The following EPHA1 variants were observed in gnomAD, a reference collection of about 807,000 sequenced individuals.
EPHA1 encodes the protein ephrin type-A receptor 1.
In EPHA1, 92 loss-of-function variants were observed where a neutral mutation model predicts 110.1. The ratio of observed to expected loss-of-function variants is 0.84; its 90% CI spans 0.71 to 0.99. EPHA1 has a LOEUF of 0.99. EPHA1 is among the 50% of genes least tolerant of loss of function. The pLI is 0.00. For synonymous variants in EPHA1, 500 were observed against 516.1 expected, an observed-to-expected ratio of 0.97 and a Z score of 0.42; for missense variants, 1,204 against 1,285.4, an observed-to-expected ratio of 0.94 and a Z score of 0.97.
chr7:143,402,582 C>A (rs1403317198), intron 2 of EPHA1, among the ~76,000 whole-genome samples: 1 of 152,122 alleles, frequency 6.6e-6, no homozygotes, highest in Non-Finnish European at 1.5e-5. Flanking sequence ...TTAGTAGAGA[C>A]AAGGTTTTGC....
intron 3 of EPHA1, among the ~76,000 whole-genome samples, chr7:143,400,614 C>T (rs1010947392): frequency 2.0e-5 from 3 of 152,186 alleles, no homozygotes; most frequent in African/African-American, 7.2e-5. Context: ...TGTCTTGCTA[C>T]ATGACTCCAG....
In EPHA1 at chr7:143,393,795, G is replaced by A; in HGVS notation, c.2572C>T (p.Leu858Phe). 1 of 1,611,066 alleles carries A rather than the reference G, an allele frequency of 6.2e-7. No individual in the cohort carries two copies. The highest frequency in any genetic ancestry group is 8.5e-7 in the Non-Finnish European group (1 of 1,178,192). Residue 858 changes from leucine (L) to phenylalanine (F), a missense_variant, in exon 16 of 18, where the codon CTC (leucine) becomes TTC (phenylalanine). Leu to Phe is a conservative substitution (Grantham distance 22, BLOSUM62 0). Coordinates refer to ENST00000275815, the MANE Select transcript of EPHA1 (RefSeq NM_005232.5). This position sits in a 1 kb window ranked among gnomAD's most constrained non-coding sequence, Gnocchi z 5.6. ...TCATATGCCCAGCAGTTCTTCATGA[G>A]CTCATACAGAGGGGCAGGGCAGTCC... ...PVDCPAPLYELMKNCWAYDRA... is the reference protein window; with the variant it reads ...PVDCPAPLYEFMKNCWAYDRA...
chr7:143,407,842 G>A, intron 1 of EPHA1, 164 bp from the exon 2 acceptor site: 1 of 549,320 alleles, frequency 1.8e-6, no homozygotes, highest in Non-Finnish European at 3.2e-6. Context: ...ACTGAGGAGT[G>A]AAGAGCTCCA....
rs753017760 is a variant in EPHA1, at chr7:143,399,433, G to C, written c.836-20C>G. 31 of 1,562,052 alleles carry C rather than the reference G, an allele frequency of 2.0e-5. No individual in the cohort carries two copies. In the African/African-American group the frequency reaches 3.9e-4, roughly 20 times the overall value. On this transcript the variant is annotated intron_variant, in intron 4 of 17. Coordinates refer to ENST00000275815, the MANE Select transcript of EPHA1 (RefSeq NM_005232.5). ...GGCAGGCTGGAGAGAGAACGCAGCA[G>C]AGCAGTGGTTCTGTAAATGTTTTTA... is the stretch of plus-strand genomic sequence containing the variant.
chr7:143,408,203 TG>T (rs1027458256), intron 1 of EPHA1, among the ~76,000 whole-genome samples: 3 of 151,888 alleles, frequency 2.0e-5, no homozygotes, highest in African/African-American at 4.8e-5. Context: ...GCCTGGGAAG[TG>T]GGGGGGAGTA....
intron 16 of EPHA1, among the ~76,000 whole-genome samples, chr7:143,392,838 A>G (rs918643700): frequency 5.3e-5 from 8 of 152,094 alleles, no homozygotes; most frequent in Admixed American, 5.2e-4. Context: ...GCTACTCAGG[A>G]GGCCGAGACA....
intron 2 of EPHA1, among the ~76,000 whole-genome samples, chr7:143,405,744 C>T (rs919943080): frequency 6.6e-5 from 10 of 152,110 alleles, no homozygotes; most frequent in Non-Finnish European, 1.3e-4. Context: ...CCAAACGGCC[C>T]CTCCTGGAGG....
At chr7:143,402,990 T>C (rs1452816640) in intron 2 of EPHA1, among the ~76,000 whole-genome samples, 1 of 152,210 alleles carries the variant, frequency 6.6e-6, no homozygotes, top group African/African-American at 2.4e-5. Flanking sequence ...TCCAGAGAAC[T>C]GCTTGAATGT....
rs372044468 is a variant in EPHA1, at chr7:143,391,358, C to G, written c.*99G>C. On this transcript the variant is annotated 3_prime_UTR_variant, in exon 18 of 18. Transcript: ENST00000275815. ...GCAGAAGCAGCACCGATAGCCTAGT[C>G]TGGCAGGTTGTGGGAAGGGGCGCAG... 9 of 1,417,012 alleles carry G rather than the reference C, an allele frequency of 6.4e-6. No homozygotes were observed. The African/African-American group carries it at 1.3e-4, about 20-fold the overall frequency. 87.8% of individuals were successfully genotyped at this position (1,417,012 alleles called of 1,614,324 possible). A position where few individuals can be genotyped will look rare whatever the true frequency, so the allele number is the denominator to read the frequency against.
At position 143,399,862 on chromosome 7, in the gene EPHA1, C is replaced by T. The variant is rs1805370469; in HGVS notation, c.624G>A (p.Leu208=). 2 of 1,606,024 alleles carry T rather than the reference C, an allele frequency of 1.2e-6. No homozygotes were observed. Among genetic ancestry groups the T allele is most frequent in the Non-Finnish European group, 1.7e-6 (2 of 1,176,100 alleles). ...TGTCTGGGAATTGGGCCAAGCCATT[C>T]AGGGTCTCAGGACAGCGCTGGTAGA... ...RVFYQRCPET[L]NGLAQFPDTL... is the part of the protein sequence containing the mutation. The change falls in exon 4 of 18, where the codon CTG becomes CTA. Residue 208 remains leucine, a synonymous_variant. Transcript: ENST00000275815.
chr7:143,393,249 GCTTGCACCAGTAGGTCCTCCAAAACTT>G lies in EPHA1; in HGVS notation c.2696+395_2696+421del, dbSNP rs1193227670. On this transcript the variant is annotated intron_variant, in intron 16 of 17. Coordinates refer to ENST00000275815, the MANE Select transcript of EPHA1 (RefSeq NM_005232.5). The surrounding 1 kb of genome is among the most constrained non-coding windows in gnomAD (Gnocchi z 5.6). ...CTGTATCTCCAATGTCCAGCAAACA[GCTTGCACCAGTAGGTCCTCCAAAACTT>G]CATGAATGGATGACCCTTTCCTTCA... 6.6e-6 allele frequency among the ~76,000 whole-genome samples: 1 copy of G among 152,168 alleles called. No homozygotes were observed. The highest frequency in any genetic ancestry group is 1.5e-5 in the Non-Finnish European group (1 of 68,044).
chr7:143,397,544 G>C lies in EPHA1; in HGVS notation c.1712+17C>G, dbSNP rs79446026. 8.4e-5 allele frequency: 136 copies of C among 1,613,682 alleles called. No homozygotes were observed. Among genetic ancestry groups the C allele is most frequent in the South Asian group, 4.1e-4 (37 of 91,078 alleles). The stretch of plus-strand genomic sequence containing the variant: ...TGACCCAGGGCTGGTGGTTGGGGAG[G>C]GGGCAGGAGCTGGCACCTGGACCGG... On this transcript the variant is annotated intron_variant, in intron 9 of 17. Coordinates refer to ENST00000275815, the MANE Select transcript of EPHA1 (RefSeq NM_005232.5).
Position 143,399,426 on chromosome 7 carries a change from C to T in EPHA1, c.836-13G>A, listed in dbSNP as rs1021551929. On this transcript the variant is annotated splice_polypyrimidine_tract_variant and intron_variant, in intron 4 of 17. Transcript: ENST00000275815. Reference sequence around the variant, plus strand: ...CCGCTAGGGCAGGCTGGAGAGAGAACGCAGCAGAGCAGTGGTTCTGTAAAT... The same window carrying T: ...CCGCTAGGGCAGGCTGGAGAGAGAATGCAGCAGAGCAGTGGTTCTGTAAAT... 50 of 1,567,164 alleles carry T rather than the reference C, an allele frequency of 3.2e-5. No individual in the cohort carries two copies. The highest frequency in any genetic ancestry group is 3.8e-5 in the Non-Finnish European group (44 of 1,156,518).
intron 1 of EPHA1, 101 bp from the exon 2 acceptor site, chr7:143,407,779 C>T (rs756916490): frequency 3.9e-5 from 42 of 1,071,094 alleles, no homozygotes; most frequent in Non-Finnish European, 5.8e-5. Context: ...CTGCAACATC[C>T]TGTTCCTAAA....
intron 2 of EPHA1, among the ~76,000 whole-genome samples, chr7:143,405,436 C>CGTGCGT (rs1554449784): frequency 5.3e-5 from 8 of 149,540 alleles, no homozygotes; most frequent in African/African-American, 1.2e-4. Flanking sequence ...TGCATGTGTG[C>CGTGCGT]GTGTGTGTGT....
intron 7 of EPHA1, 53 bp downstream of exon 7, chr7:143,398,268 T>C (rs1223330202): frequency 5.6e-6 from 9 of 1,608,062 alleles, no homozygotes; most frequent in African/African-American, 2.7e-5. Flanking sequence ...CTAGGAATGT[T>C]GGGGTGTGCC....
intron 6 of EPHA1, 22 bp from the exon 7 acceptor site, chr7:143,398,470 G>C (rs763063799): frequency 6.2e-7 from 1 of 1,613,972 alleles, no homozygotes; most frequent in South Asian, 1.1e-5. Flanking sequence ...GAGGGATAAG[G>C]TTGGATATGT....
At chr7:143,396,127 T>A (rs1339374074) in intron 11 of EPHA1, among the ~76,000 whole-genome samples, 5 of 152,226 alleles carry the variant, frequency 3.3e-5, no homozygotes, top group Non-Finnish European at 7.3e-5. Flanking sequence ...TTAATGCCCT[T>A]TATCAGAAAC....
chr7:143,391,349 T>C lies in EPHA1; in HGVS notation c.*108A>G. The C allele has an allele frequency of 2.2e-6, 3 of 1,340,242 alleles. No homozygotes were observed. Among genetic ancestry groups the C allele is most frequent in the Non-Finnish European group, 3.1e-6 (3 of 964,030 alleles). The allele number at this position is 1,340,242 out of a possible 1,614,324, so 83.0% of individuals were successfully genotyped here. A position where few individuals can be genotyped will look rare whatever the true frequency, so the allele number is the denominator to read the frequency against. Reference sequence around the variant, plus strand: ...TGAAAGTGGGCAGAAGCAGCACCGATAGCCTAGTCTGGCAGGTTGTGGGAA... The same window carrying C: ...TGAAAGTGGGCAGAAGCAGCACCGACAGCCTAGTCTGGCAGGTTGTGGGAA... On this transcript the variant is annotated 3_prime_UTR_variant, in exon 18 of 18. Transcript: ENST00000275815.
Sources: allele counts gnomAD v4.1 joint callset (sites outside exome capture counted in the v4.1 genomes callset), GRCh38; gene constraint gnomAD v4.1.1; non-coding constraint Gnocchi (gnomAD v3.1); transcripts MANE v1.5; gene names NCBI Gene and HGNC (gene_info 2026-07-23, HGNC 2026-07-21).